SYT2: variants seen among roughly 807,000 people sequenced by gnomAD.
SYT2 encodes synaptotagmin-2.
In SYT2, 15 loss-of-function variants were observed where a neutral mutation model predicts 39.9. The ratio of observed to expected loss-of-function variants is 0.38; its 90% CI spans 0.25 to 0.58. SYT2 has a LOEUF of 0.58. Among genes scored for constraint, SYT2 ranks in the 20% least tolerant of loss-of-function variants. SYT2 has a pLI of 0.70. For synonymous variants in SYT2, 181 were observed against 204.5 expected, an observed-to-expected ratio of 0.89 and a Z score of 0.98; for missense variants, 389 against 530.3, an observed-to-expected ratio of 0.73 and a Z score of 2.62.
chr1:202,608,612 T>G (rs538991643), intron 1 of SYT2, among the ~76,000 whole-genome samples: 1 of 152,366 alleles, frequency 6.6e-6, no homozygotes, highest in East Asian at 1.9e-4. Context: ...CATCAATTTA[T>G]AAATATTTGG....
At chr1:202,636,936 A>T (rs1198451052) in intron 1 of SYT2, among the ~76,000 whole-genome samples, 1 of 152,194 alleles carries the variant, frequency 6.6e-6, no homozygotes, top group Non-Finnish European at 1.5e-5. Flanking sequence ...AATACAGGCA[A>T]CCTAGCCCTA....
At position 202,694,017 on chromosome 1, in the gene SYT2, G is replaced by A. The variant is rs114279400; in HGVS notation, c.-18+16241C>T. On this transcript the variant is annotated intron_variant, in intron 1 of 8. Transcript: ENST00000367268. ...ACTTTTAAACATCCAGATCTCTCATGAACTCAGAGCAAGAACTCACTCATT... is the reference window on the plus strand; with the variant it reads ...ACTTTTAAACATCCAGATCTCTCATAAACTCAGAGCAAGAACTCACTCATT... Among the ~76,000 whole-genome samples the A allele has an allele frequency of 1.8e-3, 268 of 152,300 alleles. 1 individual carries two copies. The highest frequency in any genetic ancestry group is 4.4e-3 in the African/African-American group (182 of 41,540).
At chr1:202,678,354 AT>A (rs1159142290) in intron 1 of SYT2, among the ~76,000 whole-genome samples, 2 of 151,080 alleles carry the variant, frequency 1.3e-5, no homozygotes, top group South Asian at 2.1e-4. Context: ...ACCTTTCTAA[AT>A]TTTTTTTTAA....
At chr1:202,602,185 G>T in intron 5 of SYT2, 128 bp from the exon 6 acceptor site, 2 of 709,938 alleles carry the variant, frequency 2.8e-6, no homozygotes, top group Non-Finnish European at 4.4e-6. Context: ...AAAGACCAAG[G>T]CTTTTGGGGA....
intron 1 of SYT2, among the ~76,000 whole-genome samples, chr1:202,650,435 C>CTTTTTTTTTTTTTTTTTTTTTTT (rs68013997): frequency 2.1e-5 from 3 of 143,264 alleles, no homozygotes; most frequent in South Asian, 2.2e-4. Flanking sequence ...GTTTCATATG[C>CTTTTTTTTTTTTTTTTTTTTTTT]TTTTGTTTTT....
At chr1:202,699,390 G>A (rs573801120) in intron 1 of SYT2, among the ~76,000 whole-genome samples, 3 of 152,240 alleles carry the variant, frequency 2.0e-5, no homozygotes, top group Admixed American at 6.5e-5. Flanking sequence ...CCTGCGGCAG[G>A]GCATTTGTCC....
At chr1:202,627,734 C>T in intron 1 of SYT2, 1 of 582,100 alleles carries the variant, frequency 1.7e-6, no homozygotes, top group Non-Finnish European at 2.2e-6. Flanking sequence ...CTTAAAAATC[C>T]ACTCTTTCAT....
rs1402283892 is a variant in SYT2 at position 202,594,705 on chromosome 1, C to CACACACACACAT, written c.*2051_*2052insATGTGTGTGTGT. The stretch of plus-strand genomic sequence containing the variant: ...TCTTACCTTCCCATCATTAAGTACA[C>CACACACACACAT]ACACACACACACACACACACACCAG... On this transcript the variant is annotated 3_prime_UTR_variant, in exon 9 of 9. Transcript: ENST00000367268. The CACACACACACAT allele has an allele frequency of 1.3e-5, 2 of 151,420 alleles. No individual in the cohort carries two copies. Among genetic ancestry groups the CACACACACACAT allele is most frequent in the Non-Finnish European group, 1.5e-5 (1 of 67,812 alleles). 9.4% of individuals were successfully genotyped at this position (151,420 alleles called of 1,614,324 possible). A position where few individuals can be genotyped will look rare whatever the true frequency, so the allele number is the denominator to read the frequency against.
intron 1 of SYT2, among the ~76,000 whole-genome samples, chr1:202,684,661 G>T (rs1202109315): frequency 6.6e-6 from 1 of 151,950 alleles, no homozygotes; most frequent in African/African-American, 2.4e-5. Flanking sequence ...ACGGGAATTT[G>T]TCTCTGGGTG....
intron 1 of SYT2, among the ~76,000 whole-genome samples, chr1:202,616,658 C>G (rs1179107520): frequency 2.6e-5 from 4 of 152,228 alleles, no homozygotes; most frequent in Admixed American, 2.0e-4. Context: ...TCACTAAACC[C>G]AGGGCGCATT....
chr1:202,688,619 G>A lies in SYT2; in HGVS notation c.-18+21639C>T, dbSNP rs115697908. On this transcript the variant is annotated intron_variant, in intron 1 of 8. Coordinates refer to ENST00000367268, the MANE Select transcript of SYT2 (RefSeq NM_177402.5). ...CAAGCATTACTCATCCATCACCCAC[G>A]CCTGCGATTTTACATGAGACCTTGA... 1.3e-3 allele frequency among the ~76,000 whole-genome samples: 200 copies of A among 152,284 alleles called. 1 individual carries two copies. Among genetic ancestry groups the A allele is most frequent in the African/African-American group, 4.7e-3 (197 of 41,556 alleles).
At chr1:202,662,347 C>T (rs1450817309) in intron 1 of SYT2, among the ~76,000 whole-genome samples, 2 of 152,260 alleles carry the variant, frequency 1.3e-5, no homozygotes, top group Non-Finnish European at 1.5e-5. Context: ...ATTGATCCCC[C>T]TGCCTGGGGC....
At chr1:202,687,381 G>C (rs188946151) in intron 1 of SYT2, among the ~76,000 whole-genome samples, 3 of 152,072 alleles carry the variant, frequency 2.0e-5, no homozygotes, top group African/African-American at 4.8e-5. Flanking sequence ...TCATCTCTAC[G>C]TGAGTTACTC....
intron 1 of SYT2, among the ~76,000 whole-genome samples, chr1:202,625,216 TGTG>T (rs1407801119): frequency 7.5e-6 from 1 of 134,098 alleles, no homozygotes; most frequent in East Asian, 2.3e-4. Flanking sequence ...GTGTGATGTT[TGTG>T]GTGTGTGCTG....
intron 1 of SYT2, among the ~76,000 whole-genome samples, chr1:202,648,945 GAGCTGTCTCAAGAGCA>G (rs1020192159): frequency 1.3e-5 from 2 of 152,216 alleles, no homozygotes; most frequent in African/African-American, 4.8e-5. Flanking sequence ...TAGAATGAAA[GAGCTGTCTCAAGAGCA>G]AGCTCACTAA....
rs1018884082 is a variant in SYT2 at position 202,604,592 on chromosome 1, C to T, written c.208G>A (p.Val70Met). 21 of 1,614,074 alleles carry T rather than the reference C, an allele frequency of 1.3e-5. No homozygotes were observed. The highest frequency in any genetic ancestry group is 1.7e-5 in the Non-Finnish European group (20 of 1,180,054). ...LPPWALIAIA[V>M]VAGLLLLTCC... The stretch of plus-strand genomic sequence containing the variant: ...GTGAGAAGCAGGAGCCCAGCAACCA[C>T]AGCAATGGCGATCAGTGCCCAGGGT... The change falls in exon 3 of 9, where the codon GTG becomes ATG. Residue 70 changes from valine (V) to methionine (M), a missense_variant. By Grantham distance (21) the Val-to-Met change is conservative. Transcript: ENST00000367268.
chr1:202,667,348 T>C (rs1430817425), intron 1 of SYT2, among the ~76,000 whole-genome samples: 1 of 152,106 alleles, frequency 6.6e-6, no homozygotes, highest in Non-Finnish European at 1.5e-5. Flanking sequence ...CACCCTACAG[T>C]CTCCACCAAC....
intron 1 of SYT2, among the ~76,000 whole-genome samples, chr1:202,701,439 C>T (rs936391377): frequency 6.6e-6 from 1 of 152,208 alleles, no homozygotes; most frequent in Admixed American, 6.5e-5. Context: ...ATGTGTACTT[C>T]TCATTCCATC....
chr1:202,640,783 A>AGG (rs1558443945), intron 1 of SYT2, among the ~76,000 whole-genome samples: 4 of 139,740 alleles, frequency 2.9e-5, no homozygotes, highest in Non-Finnish European at 3.0e-5. Context: ...AGAGAGAGAG[A>AGG]GAGAGAGAGA....
Sources: allele counts gnomAD v4.1 joint callset (sites outside exome capture counted in the v4.1 genomes callset), GRCh38; gene constraint gnomAD v4.1.1; transcripts MANE v1.5; gene names NCBI Gene and HGNC (gene_info 2026-07-23, HGNC 2026-07-21).